Variants in MECOM observed in about 807,000 individuals in gnomAD.
MECOM encodes the protein histone-lysine N-methyltransferase MECOM.
Under a neutral mutation model 116.3 loss-of-function variants are expected in MECOM, and 13 were observed. That is an observed-to-expected ratio of 0.11 (90% confidence interval 0.07 to 0.18). The LOEUF (loss-of-function observed/expected upper bound fraction) is 0.18, where lower values mean the gene tolerates loss of function less well. Ranked by LOEUF, MECOM falls within the 10% of genes least tolerant of loss-of-function variation. The pLI, the probability that MECOM is intolerant of heterozygous loss-of-function variation, is 1.00. For missense variants in MECOM, 1,299 were observed against 1,509.0 expected, an observed-to-expected ratio of 0.86 and a Z score of 2.31; for synonymous variants, 528 against 535.2, an observed-to-expected ratio of 0.99 and a Z score of 0.19.
intron 1 of MECOM, among the ~76,000 whole-genome samples, chr3:169,635,861 G>A (rs531041711): frequency 5.3e-5 from 8 of 152,222 alleles, no homozygotes; most frequent in South Asian, 4.1e-4. Flanking sequence ...CACAGCTTCT[G>A]TTCCACTAGT....
At chr3:169,491,975 C>A (rs977783079) in intron 1 of MECOM, among the ~76,000 whole-genome samples, 1 of 152,108 alleles carries the variant, frequency 6.6e-6, no homozygotes. Context: ...CAGGCACAGA[C>A]CATATTTAAA....
At chr3:169,447,542 T>A (rs1001895280) in intron 1 of MECOM, among the ~76,000 whole-genome samples, 1 of 152,188 alleles carries the variant, frequency 6.6e-6, no homozygotes, top group Non-Finnish European at 1.5e-5. Context: ...TTATAAAGCG[T>A]CTACTGTGTT....
At chr3:169,311,490 C>T (rs1372667546) in intron 2 of MECOM, among the ~76,000 whole-genome samples, 1 of 152,152 alleles carries the variant, frequency 6.6e-6, no homozygotes, top group African/African-American at 2.4e-5. Flanking sequence ...TTGTAGTGCA[C>T]ATATCAATTG....
At chr3:169,642,854 A>T (rs1236467567) in intron 1 of MECOM, among the ~76,000 whole-genome samples, 1 of 152,116 alleles carries the variant, frequency 6.6e-6, no homozygotes, top group East Asian at 1.9e-4. Context: ...TAATATCATT[A>T]TAAAGTCTTA....
At chr3:169,569,411 T>C (rs1425532804) in intron 1 of MECOM, among the ~76,000 whole-genome samples, 1 of 152,036 alleles carries the variant, frequency 6.6e-6, no homozygotes, top group Non-Finnish European at 1.5e-5. Context: ...CTGTCAATAT[T>C]AGACAGATCT....
chr3:169,196,331 A>G (rs984293615), intron 2 of MECOM, among the ~76,000 whole-genome samples: 2 of 152,082 alleles, frequency 1.3e-5, no homozygotes, highest in African/African-American at 4.8e-5. Context: ...TTTTAAAACA[A>G]CAACAATAGT....
intron 1 of MECOM, among the ~76,000 whole-genome samples, chr3:169,646,566 T>C (rs1457222173): frequency 6.6e-6 from 1 of 152,166 alleles, no homozygotes; most frequent in Non-Finnish European, 1.5e-5. Context: ...GCTAGTGAAA[T>C]ACTTTGTTGC....
At chr3:169,360,247 T>C (rs1315233443) in intron 2 of MECOM, among the ~76,000 whole-genome samples, 3 of 132,442 alleles carry the variant, frequency 2.3e-5, no homozygotes, top group African/African-American at 8.8e-5. Context: ...CACTCCCTAG[T>C]GAGATGAACC....
At chr3:169,148,710 T>G (rs1740588290) in intron 2 of MECOM, among the ~76,000 whole-genome samples, 1 of 152,222 alleles carries the variant, frequency 6.6e-6, no homozygotes, top group Non-Finnish European at 1.5e-5. Context: ...TGCCACCCAC[T>G]TTTTGTTTTC....
intron 5 of MECOM, 119 bp from the exon 6 acceptor site, chr3:169,122,846 A>G (rs1731501792): frequency 8.8e-7 from 1 of 1,136,462 alleles, no homozygotes; most frequent in Non-Finnish European, 1.2e-6. Flanking sequence ...TGAACTGAGA[A>G]GGAGGGAAGA....
intron 1 of MECOM, among the ~76,000 whole-genome samples, chr3:169,604,222 T>G (rs1350524931): frequency 1.4e-5 from 2 of 145,514 alleles, no homozygotes; most frequent in Admixed American, 6.8e-5. Context: ...GAGAGAGAAA[T>G]CTCTCTCTCT....
At chr3:169,446,693 G>T (rs947849012) in intron 1 of MECOM, among the ~76,000 whole-genome samples, 3 of 152,098 alleles carry the variant, frequency 2.0e-5, no homozygotes, top group African/African-American at 7.2e-5. Flanking sequence ...TCCCACACCT[G>T]CACCCACTGT....
intron 2 of MECOM, among the ~76,000 whole-genome samples, chr3:169,283,139 G>A (rs1712483364): frequency 6.6e-6 from 1 of 152,118 alleles, no homozygotes; most frequent in Non-Finnish European, 1.5e-5. Flanking sequence ...TATAATAGAT[G>A]TTCAGTAAAT....
chr3:169,398,864 G>A (rs999709367), intron 1 of MECOM, among the ~76,000 whole-genome samples: 1 of 152,090 alleles, frequency 6.6e-6, no homozygotes, highest in African/African-American at 2.4e-5. Context: ...TGTGCGGGTG[G>A]CTACTTCAGG....
rs370481716 is a variant in MECOM at position 169,589,581 on chromosome 3, AT to A, written c.37+73754del. On this transcript the variant is annotated intron_variant, in intron 1 of 16. Transcript: ENST00000651503. ...TCTCTAATGACCCCTCAGCTCTGGC[AT>A]TTTATGATTTTCTCTTATGCCATGT... 8.3e-3 allele frequency among the ~76,000 whole-genome samples: 1,257 copies of A among 152,222 alleles called. 16 individuals carry two copies. Among genetic ancestry groups the A allele is most frequent in the South Asian group, 0.032 (156 of 4,814 alleles).
chr3:169,220,214 A>G (rs1577380295), intron 2 of MECOM, among the ~76,000 whole-genome samples: 3 of 152,036 alleles, frequency 2.0e-5, no homozygotes, highest in South Asian at 2.1e-4. Flanking sequence ...CTGGTAGTAC[A>G]GCTACCTGGG....
intron 1 of MECOM, among the ~76,000 whole-genome samples, chr3:169,467,394 T>C (rs1217571674): frequency 2.6e-5 from 4 of 152,146 alleles, no homozygotes; most frequent in Admixed American, 6.6e-5. Flanking sequence ...GTATCTGTTT[T>C]GAAACCTAGT....
At chr3:169,618,122 T>C (rs1258796216) in intron 1 of MECOM, among the ~76,000 whole-genome samples, 1 of 152,208 alleles carries the variant, frequency 6.6e-6, no homozygotes, top group Non-Finnish European at 1.5e-5. Context: ...TATCATTGCA[T>C]CTAGTCCCAA....
chr3:169,401,086 T>C (rs1735816426), intron 1 of MECOM, among the ~76,000 whole-genome samples: 1 of 152,232 alleles, frequency 6.6e-6, no homozygotes, highest in South Asian at 2.1e-4. Context: ...TCTTCCTAGA[T>C]AGGCTCTCAG....
Sources: allele counts gnomAD v4.1 joint callset (sites outside exome capture counted in the v4.1 genomes callset), GRCh38; gene constraint gnomAD v4.1.1; transcripts MANE v1.5; gene names NCBI Gene and HGNC (gene_info 2026-07-23, HGNC 2026-07-21).